The following FBN2 variants were observed in gnomAD, a reference collection of about 807,000 sequenced individuals.
The protein encoded by FBN2 is fibrillin 2, also known as fibrillin-2.
Under a neutral mutation model 355.6 loss-of-function variants are expected in FBN2, and 105 were observed. The observed-to-expected ratio is 0.30, with a 90% CI of 0.25 to 0.35. The LOEUF is 0.35. Among genes scored for constraint, FBN2 ranks in the 10% least tolerant of loss-of-function variants. FBN2 has a pLI of 1.00. For synonymous variants in FBN2, 1,350 were observed against 1,301.2 expected (o/e 1.04, Z -0.81); for missense variants, 3,280 against 3,758.7 (o/e 0.87, Z 3.33).
intron 11 of FBN2, among the ~76,000 whole-genome samples, chr5:128,387,282 TGTATTTCTTTGGG>T (rs1379545992): frequency 6.6e-6 from 1 of 152,152 alleles, no homozygotes; most frequent in Admixed American, 6.6e-5. Flanking sequence ...TCAGGATTTC[TGTATTTCTTTGGG>T]GTTGTTGGTA....
chr5:128,364,791 T>C (rs1272853600), intron 17 of FBN2, 66 bp from the exon 18 acceptor site: 3 of 1,370,912 alleles, frequency 2.2e-6, no homozygotes, highest in East Asian at 4.6e-5. Context: ...TAAATGCAGG[T>C]CTAGTAAAGA....
At chr5:128,307,267 G>A (rs1364431766) in intron 41 of FBN2, 64 bp from the exon 42 acceptor site, 2 of 922,946 alleles carry the variant, frequency 2.2e-6, no homozygotes, top group Non-Finnish European at 3.6e-6. Flanking sequence ...ATAACATTTT[G>A]TATTACTTTC....
At chr5:128,513,437 G>A (rs952093812) in intron 5 of FBN2, among the ~76,000 whole-genome samples, 1 of 152,178 alleles carries the variant, frequency 6.6e-6, no homozygotes, top group Admixed American at 6.5e-5. Context: ...AAATATTTAT[G>A]GAGTTAAAAA....
Position 128,259,379 on chromosome 5 carries a change from T to G in FBN2, c.*76A>C, listed in dbSNP as rs1764899712. 2.0e-6 allele frequency: 3 copies of G among 1,533,280 alleles called. No individual in the cohort carries two copies. The Admixed American group carries it at 5.0e-5, about 26-fold the overall frequency. The allele number at this position is 1,533,280 out of a possible 1,614,324, so 95.0% of individuals were successfully genotyped here. ...TTATTATTATTTTTCCTCTTTAAAATTAGTCCTTGACTTTTCAAATGCTTC... is the reference window on the plus strand; with the variant it reads ...TTATTATTATTTTTCCTCTTTAAAAGTAGTCCTTGACTTTTCAAATGCTTC... On this transcript the variant is annotated 3_prime_UTR_variant, in exon 65 of 65. Transcript: ENST00000262464.
intron 7 of FBN2, among the ~76,000 whole-genome samples, chr5:128,422,291 C>T (rs1753369780): frequency 1.3e-5 from 2 of 152,062 alleles, no homozygotes; most frequent in Admixed American, 1.3e-4. Flanking sequence ...TAAGAAGAAA[C>T]AGAATAAGCA....
intron 47 of FBN2, among the ~76,000 whole-genome samples, 193 bp from the exon 48 acceptor site, chr5:128,301,129 T>C (rs940953812): frequency 1.3e-5 from 2 of 152,218 alleles, no homozygotes; most frequent in Non-Finnish European, 2.9e-5. Context: ...GCTAATTTTC[T>C]TTATTTGTTG....
chr5:128,509,803 CCA>C (rs1756063861), intron 5 of FBN2, among the ~76,000 whole-genome samples: 1 of 152,112 alleles, frequency 6.6e-6, no homozygotes, highest in South Asian at 2.1e-4. Context: ...TAATTGTTCT[CCA>C]CTATTGAGGC....
intron 42 of FBN2, among the ~76,000 whole-genome samples, 177 bp from the exon 43 acceptor site, chr5:128,306,125 T>C (rs931250544): frequency 8.6e-5 from 13 of 151,964 alleles, no homozygotes; most frequent in African/African-American, 3.1e-4. Flanking sequence ...TACCAGAAAA[T>C]AGAAACAGTG....
rs550203169 is a variant in FBN2, at chr5:128,458,661, A to AT, written c.826+6062dup. Among the ~76,000 whole-genome samples the AT allele has an allele frequency of 2.6e-5, 4 of 152,284 alleles. No individual in the cohort carries two copies. The South Asian group carries it at 6.2e-4, about 24-fold the overall frequency. On this transcript the variant is annotated intron_variant, in intron 6 of 64. Transcript: ENST00000262464. ...TAAGAAACTCAGTCAAAACCAGACAATTTTGTGGAAACTGAACAACCTGCT... is the reference window on the plus strand; with the variant it reads ...TAAGAAACTCAGTCAAAACCAGACAATTTTTGTGGAAACTGAACAACCTGCT...
At chr5:128,413,572 A>G (rs1167869839) in intron 7 of FBN2, among the ~76,000 whole-genome samples, 4 of 152,182 alleles carry the variant, frequency 2.6e-5, no homozygotes, top group African/African-American at 9.6e-5. Context: ...ACATAACCTC[A>G]TATTTGTCAA....
intron 64 of FBN2, among the ~76,000 whole-genome samples, chr5:128,260,368 C>G (rs55695987): frequency 0.015 from 2,214 of 152,268 alleles, 19 homozygotes; most frequent in Non-Finnish European, 0.022. Flanking sequence ...GCAGAGTTCT[C>G]AGGGCTCCAG....
At chr5:128,408,551 C>T in intron 8 of FBN2, 123 bp downstream of exon 8, 6 of 1,168,684 alleles carry the variant, frequency 5.1e-6, no homozygotes, top group Non-Finnish European at 7.6e-6. Context: ...GTACCGTTTA[C>T]ATTAAACAAC....
rs945607675 is a variant in FBN2 at position 128,342,958 on chromosome 5, C to A, written c.3343+1427G>T. On this transcript the variant is annotated intron_variant, in intron 25 of 64. Transcript: ENST00000262464. ...GGTCAGGCTGGTCTCAAACTCCTGA[C>A]CCCAGGTGATCTGCCCGTCTCGGCC... Among the ~76,000 whole-genome samples, 9 of 152,104 alleles carry A rather than the reference C, an allele frequency of 5.9e-5. No homozygotes were observed. In the East Asian group the frequency reaches 1.7e-3, roughly 29 times the overall value.
At chr5:128,324,213 GT>G (rs1295365345) in intron 34 of FBN2, among the ~76,000 whole-genome samples, 12 of 152,048 alleles carry the variant, frequency 7.9e-5, no homozygotes, top group African/African-American at 2.9e-4. Flanking sequence ...CAGTCTATCT[GT>G]TTTGTTAATC....
intron 2 of FBN2, among the ~76,000 whole-genome samples, chr5:128,535,854 T>G (rs1756830992): frequency 6.6e-6 from 1 of 151,574 alleles, no homozygotes; most frequent in South Asian, 2.1e-4. Flanking sequence ...TTGTAAGAGT[T>G]CTGTCTTTTA....
chr5:128,454,192 C>T (rs1007206547), intron 6 of FBN2, among the ~76,000 whole-genome samples: 1 of 152,196 alleles, frequency 6.6e-6, no homozygotes, highest in Non-Finnish European at 1.5e-5. Flanking sequence ...AGTGACTTCC[C>T]AACAGCTACA....
intron 5 of FBN2, among the ~76,000 whole-genome samples, chr5:128,485,838 G>A (rs1236495598): frequency 6.6e-6 from 1 of 152,104 alleles, no homozygotes; most frequent in Non-Finnish European, 1.5e-5. Flanking sequence ...TTGAGTGGTA[G>A]GCACATAAAG....
rs529893026 is a variant in FBN2 at position 128,424,139 on chromosome 5, T to C, written c.953-15340A>G. Among the ~76,000 whole-genome samples, 16 of 152,240 alleles carry C rather than the reference T, an allele frequency of 1.1e-4. No homozygotes were observed. In the South Asian group the frequency reaches 2.5e-3, roughly 24 times the overall value. ...GTGGGATGTTTAAAGTATACGTGCCTGGCAGGCAGCTCCAGACAAAGGTAG... is the reference window on the plus strand; with the variant it reads ...GTGGGATGTTTAAAGTATACGTGCCCGGCAGGCAGCTCCAGACAAAGGTAG... On this transcript the variant is annotated intron_variant, in intron 7 of 64. Transcript: ENST00000262464.
chr5:128,375,086 A>T (rs1297561506), intron 14 of FBN2, among the ~76,000 whole-genome samples: 1 of 152,158 alleles, frequency 6.6e-6, no homozygotes, highest in African/African-American at 2.4e-5. Context: ...TTTTCACACA[A>T]AGACACTTTA....
Sources: gnomAD v4.1 joint callset for allele counts (sites outside exome capture counted in the v4.1 genomes callset) on GRCh38, gnomAD v4.1.1 for gene constraint, MANE v1.5 for transcripts, NCBI Gene and HGNC (gene_info 2026-07-23, HGNC 2026-07-21) for gene names.